The following NCAM2 variants were observed in gnomAD, a reference collection of about 807,000 sequenced individuals.
The protein encoded by NCAM2 is N-CAM-2.
In NCAM2, 30 loss-of-function variants were observed where a neutral mutation model predicts 98.1. That is an observed-to-expected ratio of 0.31 (90% confidence interval 0.23 to 0.41). The LOEUF (loss-of-function observed/expected upper bound fraction) is 0.41, where lower values mean the gene tolerates loss of function less well. NCAM2 is among the 10% of genes least tolerant of loss of function. The pLI, the probability that NCAM2 is intolerant of heterozygous loss-of-function variation, is 1.00. For missense variants in NCAM2, 867 were observed against 1,005.8 expected, an observed-to-expected ratio of 0.86 and a Z score of 1.87; for synonymous variants, 368 against 342.4, an observed-to-expected ratio of 1.07 and a Z score of -0.83.
chr21:21,520,191 A>G (rs1279143885), intron 16 of NCAM2, among the ~76,000 whole-genome samples: 1 of 152,184 alleles, frequency 6.6e-6, no homozygotes, highest in Non-Finnish European at 1.5e-5. Context: ...AGACAACTCT[A>G]ACTTCTGTGA....
intron 1 of NCAM2, among the ~76,000 whole-genome samples, chr21:21,200,930 T>C (rs1395054594): frequency 6.6e-6 from 1 of 152,088 alleles, no homozygotes; most frequent in Admixed American, 6.6e-5. Flanking sequence ...AATATGTGTA[T>C]AGATCTTCTC....
intron 10 of NCAM2, among the ~76,000 whole-genome samples, chr21:21,412,169 A>C (rs932973391): frequency 6.6e-6 from 1 of 152,172 alleles, no homozygotes; most frequent in Non-Finnish European, 1.5e-5. Context: ...GTTGCTTTCT[A>C]TAGAGGACTC....
In NCAM2 at chr21:21,533,436, A is replaced by G. The variant is rs565020555; in HGVS notation, c.2283-1101A>G. On this transcript the variant is annotated intron_variant, in intron 16 of 17. Transcript: ENST00000400546. ...AGTAAATATATTTAAAGTTCTATAT[A>G]TTTTCATGGTAGTTAGCTCATTTAT... is the stretch of plus-strand genomic sequence containing the variant. 3.8e-4 allele frequency among the ~76,000 whole-genome samples: 58 copies of G among 151,576 alleles called. No homozygotes were observed. In the South Asian group the frequency reaches 0.012, roughly 30 times the overall value.
chr21:21,090,422 G>A (rs922710259), intron 1 of NCAM2, among the ~76,000 whole-genome samples: 13 of 152,068 alleles, frequency 8.5e-5, no homozygotes, highest in Non-Finnish European at 1.9e-4. Context: ...TATGAATATG[G>A]ACAGTTTTAT....
At chr21:21,418,006 G>A (rs1391490558) in intron 10 of NCAM2, among the ~76,000 whole-genome samples, 1 of 151,840 alleles carries the variant, frequency 6.6e-6, no homozygotes, top group African/African-American at 2.4e-5. Flanking sequence ...CTGATCTGAG[G>A]CCAAAACATA....
At chr21:21,235,680 C>T (rs2147208011) in intron 1 of NCAM2, among the ~76,000 whole-genome samples, 1 of 152,084 alleles carries the variant, frequency 6.6e-6, no homozygotes, top group African/African-American at 2.4e-5. Context: ...AACTGAAATG[C>T]ATAGAAGCTG....
At chr21:21,221,416 C>A (rs1212821081) in intron 1 of NCAM2, among the ~76,000 whole-genome samples, 5 of 151,894 alleles carry the variant, frequency 3.3e-5, no homozygotes, top group Admixed American at 6.6e-5. Flanking sequence ...GAAAGCTATC[C>A]TCTCACTTCA....
In NCAM2 at chr21:21,295,835, T is replaced by TTC. The variant is rs374173343; in HGVS notation, c.619+3614_619+3615dup. On this transcript the variant is annotated intron_variant, in intron 5 of 17. Coordinates refer to ENST00000400546, the MANE Select transcript of NCAM2 (RefSeq NM_004540.5). Reference sequence around the variant, plus strand: ...ATGCAAAACTAGTGCTTTTGTCTGTTTCTCTCTCTCTCTCTCTCTCTGTCT... The same window carrying TTC: ...ATGCAAAACTAGTGCTTTTGTCTGTTTCTCTCTCTCTCTCTCTCTCTCTGTCT... Among the ~76,000 whole-genome samples the TTC allele has an allele frequency of 9.5e-3, 1,076 of 113,016 alleles. 10 individuals are homozygous for TTC. Among genetic ancestry groups the TTC allele is most frequent in the African/African-American group, 0.036 (937 of 25,728 alleles). 74.1% of individuals were successfully genotyped at this position (113,016 alleles called of 152,430 possible).
At chr21:21,211,021 C>T (rs186128952) in intron 1 of NCAM2, among the ~76,000 whole-genome samples, 3,011 of 140,162 alleles carry the variant, frequency 0.021, 61 homozygotes, top group Non-Finnish European at 0.034. Flanking sequence ...CACACACACA[C>T]ACGGGTTAGT....
At chr21:21,279,990 A>T (rs1568877287) in intron 1 of NCAM2, among the ~76,000 whole-genome samples, 1 of 152,168 alleles carries the variant, frequency 6.6e-6, no homozygotes, top group Non-Finnish European at 1.5e-5. Context: ...CAAATTTCAC[A>T]AAAAAATTAT....
intron 15 of NCAM2, among the ~76,000 whole-genome samples, chr21:21,479,608 A>AAAAAAAAAAAAATT (rs1491473437): frequency 3.1e-5 from 4 of 127,914 alleles, no homozygotes; most frequent in Non-Finnish European, 5.3e-5. Context: ...AAAAAAAAAA[A>AAAAAAAAAAAAATT]TTGTTGATGA....
At chr21:21,134,273 T>C (rs948550710) in intron 1 of NCAM2, among the ~76,000 whole-genome samples, 2 of 152,002 alleles carry the variant, frequency 1.3e-5, no homozygotes, top group Non-Finnish European at 2.9e-5. Flanking sequence ...GGTTTCACCA[T>C]GTTGGTTAGG....
chr21:21,099,785 C>T (rs1216486716), intron 1 of NCAM2, among the ~76,000 whole-genome samples: 1 of 151,836 alleles, frequency 6.6e-6, no homozygotes, highest in Non-Finnish European at 1.5e-5. Flanking sequence ...GCCTTTTTCT[C>T]GTGAACCTAA....
At chr21:21,537,241 T>C (rs1033412063) in intron 17 of NCAM2, among the ~76,000 whole-genome samples, 1 of 151,916 alleles carries the variant, frequency 6.6e-6, no homozygotes, top group Admixed American at 6.6e-5. Flanking sequence ...GATACCTGGT[T>C]TCACCGTTTT....
intron 14 of NCAM2, among the ~76,000 whole-genome samples, chr21:21,470,986 A>G (rs2146232587): frequency 6.6e-6 from 1 of 152,080 alleles, no homozygotes; most frequent in South Asian, 2.1e-4. Flanking sequence ...ATAAAGTGAT[A>G]CTTTTTCACA....
In NCAM2 at chr21:21,533,166, C is replaced by CTTTTTTTTTTTTTTTTTTTTTTTTT. The variant is rs201532023; in HGVS notation, c.2283-1358_2283-1357insTTTTTTTTTTTTTTTTTTTTTTTTT. On this transcript the variant is annotated intron_variant, in intron 16 of 17. Transcript: ENST00000400546. ...CCATTGTAGATTTGTTGTTTGCTTG[C>CTTTTTTTTTTTTTTTTTTTTTTTTT]TTTTTTTTTTTTTGGTAATCCTAGT... 3.3e-4 allele frequency among the ~76,000 whole-genome samples: 31 copies of CTTTTTTTTTTTTTTTTTTTTTTTTT among 93,788 alleles called. 3 individuals are homozygous for CTTTTTTTTTTTTTTTTTTTTTTTTT. The highest frequency in any genetic ancestry group is 5.8e-4 in the Admixed American group (4 of 6,926). 61.5% of individuals were successfully genotyped at this position (93,788 alleles called of 152,430 possible). A position where few individuals can be genotyped will look rare whatever the true frequency, so the allele number is the denominator to read the frequency against.
At chr21:21,103,541 T>G (rs903289199) in intron 1 of NCAM2, among the ~76,000 whole-genome samples, 5 of 152,088 alleles carry the variant, frequency 3.3e-5, no homozygotes, top group African/African-American at 1.2e-4. Context: ...ATAGCCACAT[T>G]ATCTCCATGA....
At chr21:21,521,007 C>T (rs1490080387) in intron 16 of NCAM2, among the ~76,000 whole-genome samples, 1 of 152,134 alleles carries the variant, frequency 6.6e-6, no homozygotes, top group East Asian at 1.9e-4. Context: ...GAAGTAACTA[C>T]ATTAAAATAT....
At chr21:21,415,352 T>G (rs1419529385) in intron 10 of NCAM2, among the ~76,000 whole-genome samples, 4 of 145,742 alleles carry the variant, frequency 2.7e-5, no homozygotes, top group African/African-American at 1.0e-4. Flanking sequence ...TTTTTTTTTT[T>G]TTTTGAGACA....
Sources: gnomAD v4.1 joint callset for allele counts (sites outside exome capture counted in the v4.1 genomes callset) on GRCh38, gnomAD v4.1.1 for gene constraint, MANE v1.5 for transcripts, NCBI Gene and HGNC (gene_info 2026-07-23, HGNC 2026-07-21) for gene names.